PRMT8: variants seen among roughly 807,000 people sequenced by gnomAD.
The protein encoded by PRMT8 is protein arginine methyltransferase 8, also known as protein arginine N-methyltransferase 8.
A neutral mutation model predicts 47.1 loss-of-function variants in PRMT8; 7 were observed. The ratio of observed to expected loss-of-function variants is 0.15; its 90% CI spans 0.08 to 0.28. The LOEUF (loss-of-function observed/expected upper bound fraction) is 0.28, where lower values mean the gene tolerates loss of function less well. Among genes scored for constraint, PRMT8 ranks in the 10% least tolerant of loss-of-function variants. The pLI is 1.00. For synonymous variants in PRMT8, 188 were observed against 186.5 expected (o/e 1.01, Z -0.07); for missense variants, 237 against 505.4 (o/e 0.47, Z 5.09).
At chr12:3,420,041 G>C (rs61909486) in intron 1 of PRMT8, among the ~76,000 whole-genome samples, 9 of 18,632 alleles carry the variant, frequency 4.8e-4, no homozygotes, top group East Asian at 0.023. Flanking sequence ...CAGACAGAGA[G>C]AGAGAGAGAG....
chr12:3,432,826 C>T (rs1357054976), intron 1 of PRMT8, among the ~76,000 whole-genome samples: 2 of 151,980 alleles, frequency 1.3e-5, no homozygotes, highest in African/African-American at 4.8e-5. Context: ...ACTTGGGACT[C>T]AACACATGAA....
At chr12:3,403,010 A>G (rs1301939551) in intron 1 of PRMT8, among the ~76,000 whole-genome samples, 2 of 152,252 alleles carry the variant, frequency 1.3e-5, no homozygotes, top group Non-Finnish European at 2.9e-5. Context: ...ACAAAGATAC[A>G]TGCACATGTT....
chr12:3,417,152 T>A (rs1401562687), intron 1 of PRMT8, among the ~76,000 whole-genome samples: 1 of 152,112 alleles, frequency 6.6e-6, no homozygotes, highest in Non-Finnish European at 1.5e-5. Flanking sequence ...AAACCAAGGA[T>A]GTTTGAATGA....
intron 4 of PRMT8, among the ~76,000 whole-genome samples, chr12:3,558,765 G>C (rs553428779): frequency 6.6e-6 from 1 of 152,166 alleles, no homozygotes; most frequent in Admixed American, 6.5e-5. Context: ...TTCTCATTGC[G>C]TACAATTTCG....
chr12:3,545,096 G>A (rs951243537), intron 2 of PRMT8, among the ~76,000 whole-genome samples: 1 of 152,194 alleles, frequency 6.6e-6, no homozygotes, highest in Admixed American at 6.5e-5. Context: ...TAGCATTTTC[G>A]TGAAACTTAC....
At chr12:3,504,637 G>A (rs1159655092) in intron 1 of PRMT8, among the ~76,000 whole-genome samples, 3 of 48,854 alleles carry the variant, frequency 6.1e-5, no homozygotes, top group Middle Eastern at 0.014. Flanking sequence ...AGTCTGCAGA[G>A]GTTACTGCTG....
chr12:3,576,733 A>G lies in PRMT8; in HGVS notation c.713-138A>G. ...CATTGCAAAGTGCCCCCAGGTGAGCAGTTCTGCCTCTATTTCGATGCAAGG... is the reference window on the plus strand; with the variant it reads ...CATTGCAAAGTGCCCCCAGGTGAGCGGTTCTGCCTCTATTTCGATGCAAGG... On this transcript the variant is annotated intron_variant, in intron 6 of 9. Transcript: ENST00000382622. This position sits in a 1 kb window ranked among gnomAD's most constrained non-coding sequence, Gnocchi z 4.0. 1.5e-6 allele frequency: 1 copy of G among 677,016 alleles called. No homozygotes were observed. Among genetic ancestry groups the G allele is most frequent in the Admixed American group, 2.3e-5 (1 of 42,692 alleles). The allele number at this position is 677,016 out of a possible 1,614,324, so 41.9% of individuals were successfully genotyped here. A position where few individuals can be genotyped will look rare whatever the true frequency, so the allele number is the denominator to read the frequency against.
chr12:3,534,043 A>G (rs1028405979), intron 1 of PRMT8, among the ~76,000 whole-genome samples: 1 of 152,236 alleles, frequency 6.6e-6, no homozygotes, highest in African/African-American at 2.4e-5. Flanking sequence ...GAAGGTGGGC[A>G]AGGAGGGAAG....
chr12:3,486,830 C>T (rs1865327808), upstream of PRMT8, among the ~76,000 whole-genome samples: 1 of 152,194 alleles, frequency 6.6e-6, no homozygotes, highest in Admixed American at 6.5e-5. Context: ...ATATCCAGCA[C>T]AAAACCGCAG....
Position 3,514,493 on chromosome 12 carries a change from A to G in PRMT8, c.75+22793A>G, listed in dbSNP as rs184608192. 5.9e-5 allele frequency among the ~76,000 whole-genome samples: 9 copies of G among 152,278 alleles called. No homozygotes were observed. The highest frequency in any genetic ancestry group is 2.1e-4 in the South Asian group (1 of 4,826). Reference sequence around the variant, plus strand: ...TCCGTACTTCCACTGAAGATGTCCAATATAAGCGGGTCAGGGTCACCCTGC... The same window carrying G: ...TCCGTACTTCCACTGAAGATGTCCAGTATAAGCGGGTCAGGGTCACCCTGC... On this transcript the variant is annotated intron_variant, in intron 1 of 9. Transcript: ENST00000382622. The surrounding 1 kb of genome is among the most constrained non-coding windows in gnomAD (Gnocchi z 5.9).
intron 6 of PRMT8, among the ~76,000 whole-genome samples, chr12:3,571,142 TCTGA>T (rs1235720153): frequency 1.3e-5 from 2 of 152,214 alleles, no homozygotes; most frequent in African/African-American, 4.8e-5. Context: ...GGAACTAGTT[TCTGA>T]CTGTGTAGCT....
At chr12:3,448,466 T>G (rs1010388982) in intron 1 of PRMT8, among the ~76,000 whole-genome samples, 1 of 152,224 alleles carries the variant, frequency 6.6e-6, no homozygotes, top group Non-Finnish European at 1.5e-5. Flanking sequence ...AACAAAAAAT[T>G]TAGTGAGAAG....
intron 1 of PRMT8, among the ~76,000 whole-genome samples, chr12:3,465,135 T>TATATATATATATAATTTTTTTATAAAAAA (rs2137090723): frequency 7.2e-6 from 1 of 138,820 alleles, no homozygotes; most frequent in East Asian, 2.0e-4. Flanking sequence ...AAAAAATATA[T>TATATATATATATAATTTTTTTATAAAAAA]ATATATATAT....
rs1866872135 is a variant in PRMT8, at chr12:3,572,813, TG to T, written c.712+3253del. On this transcript the variant is annotated intron_variant, in intron 6 of 9. Coordinates refer to ENST00000382622, the MANE Select transcript of PRMT8 (RefSeq NM_019854.5). The surrounding 1 kb of genome is among the most constrained non-coding windows in gnomAD (Gnocchi z 5.9). Reference sequence around the variant, plus strand: ...GCCTCATCAGAGAAACTCAGATGGTTGGGGCTGGGGTGGTGAGGGAGGATGT... The same window carrying T: ...GCCTCATCAGAGAAACTCAGATGGTTGGGCTGGGGTGGTGAGGGAGGATGT... Among the ~76,000 whole-genome samples the T allele has an allele frequency of 6.6e-6, 1 of 152,170 alleles. No individual in the cohort carries two copies. Among genetic ancestry groups the T allele is most frequent in the African/African-American group, 2.4e-5 (1 of 41,430 alleles).
chr12:3,439,342 T>C (rs934577916), intron 1 of PRMT8, among the ~76,000 whole-genome samples: 1 of 152,224 alleles, frequency 6.6e-6, no homozygotes, highest in African/African-American at 2.4e-5. Context: ...TTTCTCTCCC[T>C]GTCTCTCCTG....
chr12:3,510,518 C>A (rs1865694947), intron 1 of PRMT8, among the ~76,000 whole-genome samples: 1 of 152,096 alleles, frequency 6.6e-6, no homozygotes. Context: ...ACTATATTCC[C>A]TATGAATATG....
chr12:3,461,898 A>G (rs1865046309), intron 1 of PRMT8, among the ~76,000 whole-genome samples: 1 of 152,128 alleles, frequency 6.6e-6, no homozygotes, highest in Non-Finnish European at 1.5e-5. Flanking sequence ...AAACAAAACA[A>G]AAATAACTTT....
intron 1 of PRMT8, among the ~76,000 whole-genome samples, chr12:3,533,688 A>T (rs1330234719): frequency 6.6e-6 from 1 of 151,952 alleles, no homozygotes; most frequent in Non-Finnish European, 1.5e-5. Flanking sequence ...CGATGATAAG[A>T]CAGGGGTGCA....
intron 1 of PRMT8, among the ~76,000 whole-genome samples, chr12:3,429,020 C>G: frequency 6.6e-6 from 1 of 152,052 alleles, no homozygotes; most frequent in South Asian, 2.1e-4. Flanking sequence ...CTCTGACTCT[C>G]TCTCTCTCTA....
Sources: allele counts gnomAD v4.1 joint callset (sites outside exome capture counted in the v4.1 genomes callset), GRCh38; gene constraint gnomAD v4.1.1; non-coding constraint Gnocchi (gnomAD v3.1); transcripts MANE v1.5; gene names NCBI Gene and HGNC (gene_info 2026-07-23, HGNC 2026-07-21).